TFDP1: variants seen among roughly 807,000 people sequenced by gnomAD.
TFDP1 encodes the protein transcription factor Dp-1, also known as DRTF1-polypeptide 1.
In TFDP1, 6 loss-of-function variants were observed where a neutral mutation model predicts 48.0. That is an observed-to-expected ratio of 0.13 (90% CI 0.07 to 0.25). The LOEUF (loss-of-function observed/expected upper bound fraction) is 0.25, where lower values mean the gene tolerates loss of function less well. TFDP1 is among the 10% of genes least tolerant of loss of function. TFDP1 has a pLI of 1.00. For missense variants in TFDP1, 335 were observed against 543.0 expected (o/e 0.62, Z 3.81); for synonymous variants, 201 against 211.6 (o/e 0.95, Z 0.44).
At chr13:113,619,477 AAAAC>A (rs2048942486) in intron 3 of TFDP1, among the ~76,000 whole-genome samples, 2 of 150,070 alleles carry the variant, frequency 1.3e-5, no homozygotes, top group African/African-American at 2.5e-5. Flanking sequence ...TCTCAAAAAA[AAAAC>A]AAAAAAAAAA....
Position 113,611,022 on chromosome 13 carries a change from A to T in TFDP1, c.39A>T (p.Glu13Asp). ...CCGGTCTAATTGAAGCCAACGGAGA[A>T]CTCAAGGTCTTCATAGACCAGAACC... ...KDAGLIEANG[E>D]LKVFIDQNLS... The change falls in exon 3 of 12, where the codon GAA becomes GAT. Residue 13 changes from glutamate (E) to aspartate (D), a missense_variant. Glu to Asp is a conservative substitution (Grantham distance 45). Around this residue, in one of 3 missense-constraint regions of TFDP1, gnomAD observed 103 missense variants for 140.4 expected, o/e 0.73. Coordinates refer to ENST00000375370, the MANE Select transcript of TFDP1 (RefSeq NM_007111.5). 1 of 1,614,122 alleles carries T rather than the reference A, an allele frequency of 6.2e-7. No homozygotes were observed. The highest frequency in any genetic ancestry group is 1.7e-5 in the Admixed American group (1 of 60,026).
In TFDP1 at chr13:113,623,914, G is replaced by T. The variant is rs141600185; in HGVS notation, c.186+628G>T. On this transcript the variant is annotated intron_variant, in intron 4 of 11. Coordinates refer to ENST00000375370, the MANE Select transcript of TFDP1 (RefSeq NM_007111.5). This position sits in a 1 kb window ranked among gnomAD's most constrained non-coding sequence, Gnocchi z 5.2. The stretch of plus-strand genomic sequence containing the variant: ...TCCTTGCCGGTGGCAGCCTACTGGA[G>T]ACAGGGAGCCCACACAGAATCCTGA... Among the ~76,000 whole-genome samples the T allele has an allele frequency of 2.9e-3, 437 of 152,270 alleles. 1 individual carries two copies. The highest frequency in any genetic ancestry group is 0.01 in the African/African-American group (416 of 41,542).
chr13:113,595,881 G>C (rs1468348409), intron 2 of TFDP1, among the ~76,000 whole-genome samples: 1 of 152,212 alleles, frequency 6.6e-6, no homozygotes, highest in Non-Finnish European at 1.5e-5. Flanking sequence ...AGGATATCGA[G>C]ACCATCCTGG....
intron 2 of TFDP1, among the ~76,000 whole-genome samples, chr13:113,597,390 G>A (rs1330869511): frequency 1.3e-5 from 2 of 152,208 alleles, no homozygotes; most frequent in Non-Finnish European, 2.9e-5. Context: ...CCTGGACCCC[G>A]TCGCGCTGTC....
chr13:113,626,865 G>C (rs1012769806), intron 4 of TFDP1, among the ~76,000 whole-genome samples: 4 of 152,218 alleles, frequency 2.6e-5, no homozygotes, highest in Admixed American at 2.6e-4. Flanking sequence ...TGTCATAGCA[G>C]AGTTTGTCTG....
intron 2 of TFDP1, among the ~76,000 whole-genome samples, chr13:113,594,540 T>C (rs1224329521): frequency 1.3e-5 from 2 of 151,144 alleles, no homozygotes; most frequent in South Asian, 4.2e-4. Flanking sequence ...AGGTGTGCTG[T>C]GTGTGGGTCC....
intron 3 of TFDP1, among the ~76,000 whole-genome samples, chr13:113,614,455 C>T (rs1270505695): frequency 1.3e-5 from 2 of 152,272 alleles, no homozygotes; most frequent in African/African-American, 4.8e-5. Context: ...CTCTGCCTTC[C>T]TCCGTTTGTG....
In TFDP1 at chr13:113,592,259, G is replaced by A. The variant is rs185015222; in HGVS notation, c.12+6410G>A. Among the ~76,000 whole-genome samples, 4 of 152,338 alleles carry A rather than the reference G, an allele frequency of 2.6e-5. No individual in the cohort carries two copies. The East Asian group carries it at 5.8e-4, about 22-fold the overall frequency. ...CAACCTCTGTCTCCCGGGTTCAAGC[G>A]ATTCTCTGACCTCAGCCTCCCAAGT... On this transcript the variant is annotated intron_variant, in intron 2 of 11. Transcript: ENST00000375370.
At chr13:113,616,546 TAC>T (rs2048863861) in intron 3 of TFDP1, among the ~76,000 whole-genome samples, 1 of 152,230 alleles carries the variant, frequency 6.6e-6, no homozygotes, top group Admixed American at 6.5e-5. Flanking sequence ...CCATTGATTA[TAC>T]ATATCCTCTT....
chr13:113,586,918 T>C (rs2048019731), intron 2 of TFDP1, among the ~76,000 whole-genome samples: 1 of 152,210 alleles, frequency 6.6e-6, no homozygotes, highest in Non-Finnish European at 1.5e-5. Flanking sequence ...GTCCGTACCA[T>C]GCCCTGACCT....
rs1469116339 is a variant in TFDP1, at chr13:113,627,170, C to T, written c.186+3884C>T. Reference sequence around the variant, plus strand: ...CTGACACGAGGGGTGGGGCTCAGTCCGGGCATGTGAGTGAAAGCGGTGGGG... The same window carrying T: ...CTGACACGAGGGGTGGGGCTCAGTCTGGGCATGTGAGTGAAAGCGGTGGGG... On this transcript the variant is annotated intron_variant, in intron 4 of 11. Coordinates refer to ENST00000375370, the MANE Select transcript of TFDP1 (RefSeq NM_007111.5). The surrounding 1 kb of genome is among the most constrained non-coding windows in gnomAD (Gnocchi z 4.1). Among the ~76,000 whole-genome samples, 2 of 152,146 alleles carry T rather than the reference C, an allele frequency of 1.3e-5. No individual in the cohort carries two copies. Among genetic ancestry groups the T allele is most frequent in the Non-Finnish European group, 2.9e-5 (2 of 68,022 alleles).
intron 10 of TFDP1, 139 bp downstream of exon 10, chr13:113,636,839 G>T (rs754611012): frequency 1.9e-6 from 2 of 1,069,818 alleles, no homozygotes; most frequent in African/African-American, 1.6e-5. Context: ...AAGACAAAGG[G>T]GCTGTGAGGG....
intron 2 of TFDP1, among the ~76,000 whole-genome samples, chr13:113,609,613 TC>T (rs1217623632): frequency 6.6e-6 from 1 of 151,914 alleles, no homozygotes; most frequent in African/African-American, 2.4e-5. Context: ...CTCCCCTGTG[TC>T]CCCTGACTGT....
intron 2 of TFDP1, among the ~76,000 whole-genome samples, chr13:113,591,862 A>T (rs929757835): frequency 2.0e-5 from 3 of 152,200 alleles, no homozygotes; most frequent in African/African-American, 7.2e-5. Context: ...CTCATCCCCC[A>T]GGTGTCTTAC....
intron 2 of TFDP1, among the ~76,000 whole-genome samples, chr13:113,602,834 G>A (rs1230695372): frequency 2.0e-5 from 3 of 152,138 alleles, no homozygotes; most frequent in East Asian, 1.9e-4. Flanking sequence ...CTGCTGGGCC[G>A]TTTTCTTACC....
intron 2 of TFDP1, among the ~76,000 whole-genome samples, chr13:113,608,462 G>T (rs1241782268): frequency 3.3e-5 from 5 of 152,154 alleles, no homozygotes; most frequent in Non-Finnish European, 7.4e-5. Flanking sequence ...CCACAGCTGG[G>T]ACTTGCTCCG....
At chr13:113,608,303 C>G (rs2048619995) in intron 2 of TFDP1, among the ~76,000 whole-genome samples, 1 of 152,250 alleles carries the variant, frequency 6.6e-6, no homozygotes. Context: ...CATGCTCATC[C>G]TGGTGAGGGA....
intron 8 of TFDP1, among the ~76,000 whole-genome samples, 186 bp downstream of exon 8, chr13:113,634,788 C>T (rs1009534644): frequency 1.0e-4 from 10 of 95,336 alleles, no homozygotes; most frequent in African/African-American, 3.4e-4. Context: ...AGGTTGTGCA[C>T]GTGCGTGTGC....
At chr13:113,637,565 G>A (rs529897076) in intron 10 of TFDP1, 36 of 1,480,442 alleles carry the variant, frequency 2.4e-5, no homozygotes, top group African/African-American at 5.6e-5. Context: ...CACGTGTGCC[G>A]TTTGTAAGTC....
Sources: gnomAD v4.1 joint callset for allele counts (sites outside exome capture counted in the v4.1 genomes callset) on GRCh38, gnomAD v4.1.1 for gene constraint, gnomAD v4.1.1 regional missense constraint, Gnocchi (gnomAD v3.1) non-coding constraint, MANE v1.5 for transcripts, NCBI Gene and HGNC (gene_info 2026-07-23, HGNC 2026-07-21) for gene names.